Variants in SNX24 observed in about 807,000 individuals in gnomAD.
The protein encoded by SNX24 is sorting nexin 24.
In SNX24, 22 loss-of-function variants were observed where a neutral mutation model predicts 28.7. That is an observed-to-expected ratio of 0.77 (90% CI 0.55 to 1.10). SNX24 has a LOEUF of 1.10. Among genes scored for constraint, SNX24 ranks in the 50% least tolerant of loss-of-function variants. The probability of loss-of-function intolerance (pLI) is 0.00; values close to 1 mark genes in which losing one functional copy is unlikely to be tolerated. For synonymous variants in SNX24, 69 were observed against 71.5 expected (o/e 0.96, Z 0.18); for missense variants, 221 against 201.1 (o/e 1.10, Z -0.60).
intron 1 of SNX24, among the ~76,000 whole-genome samples, chr5:122,849,124 G>C (rs1374953030): frequency 6.6e-6 from 1 of 152,188 alleles, no homozygotes; most frequent in Non-Finnish European, 1.5e-5. Context: ...ACCTTAACTA[G>C]AAGTGGTATT....
At chr5:122,986,496 G>A in intron 3 of SNX24, among the ~76,000 whole-genome samples, 1 of 152,148 alleles carries the variant, frequency 6.6e-6, no homozygotes, top group East Asian at 1.9e-4. Flanking sequence ...AAAGAGAAGT[G>A]GGAGGGTGGT....
intron 1 of SNX24, among the ~76,000 whole-genome samples, chr5:122,935,471 A>G (rs893243745): frequency 6.6e-6 from 1 of 152,220 alleles, no homozygotes; most frequent in East Asian, 1.9e-4. Context: ...GAAAGTATTT[A>G]TTCAGGGGTA....
At chr5:122,999,695 A>G (rs1419182579) in intron 3 of SNX24, among the ~76,000 whole-genome samples, 2 of 152,186 alleles carry the variant, frequency 1.3e-5, no homozygotes, top group African/African-American at 4.8e-5. Flanking sequence ...CAGTTGAATG[A>G]AAGAACAGAT....
chr5:123,014,723 C>T (rs1762652113), intron 5 of SNX24, among the ~76,000 whole-genome samples: 1 of 152,096 alleles, frequency 6.6e-6, no homozygotes, highest in Admixed American at 6.5e-5. Context: ...TCAAAGTTTT[C>T]CAGTAGATTC....
intron 1 of SNX24, chr5:122,891,098 T>C (rs1263214101): frequency 1.4e-5 from 21 of 1,534,090 alleles, no homozygotes; most frequent in Non-Finnish European, 1.5e-5. Context: ...TGGAAATTGC[T>C]TTTTCAAATG....
At chr5:122,973,818 A>C (rs1296053495) in intron 3 of SNX24, among the ~76,000 whole-genome samples, 1 of 152,220 alleles carries the variant, frequency 6.6e-6, no homozygotes. Context: ...GAGAGTAGTT[A>C]TCTGCAGATG....
At chr5:123,011,223 C>G (rs1762571642), downstream of SNX24, among the ~76,000 whole-genome samples, 1 of 152,142 alleles carries the variant, frequency 6.6e-6, no homozygotes, top group African/African-American at 2.4e-5. Context: ...AAAAAAATCC[C>G]ATTACCACTT....
chr5:122,932,348 C>G (rs1758990666), intron 1 of SNX24, among the ~76,000 whole-genome samples: 2 of 152,250 alleles, frequency 1.3e-5, no homozygotes, highest in African/African-American at 2.4e-5. Context: ...ACTAAACAGG[C>G]AAGTCAGAGC....
intron 3 of SNX24, among the ~76,000 whole-genome samples, chr5:122,971,922 G>A (rs1453882810): frequency 1.3e-5 from 2 of 152,194 alleles, no homozygotes; most frequent in Non-Finnish European, 2.9e-5. Flanking sequence ...TTCCTGAAGG[G>A]TCTGGGCCAT....
chr5:123,014,445 G>T (rs377248057), intron 5 of SNX24, among the ~76,000 whole-genome samples: 1 of 142,522 alleles, frequency 7.0e-6, no homozygotes, highest in Admixed American at 7.4e-5. Context: ...GCCTCCCAAA[G>T]TGCTGGGATT....
chr5:122,892,070 A>C (rs1756997061), intron 1 of SNX24, among the ~76,000 whole-genome samples: 1 of 152,224 alleles, frequency 6.6e-6, no homozygotes, highest in Admixed American at 6.5e-5. Context: ...TGAGAAATTA[A>C]AATTTAAACC....
At chr5:122,856,914 G>A (rs537636839) in intron 1 of SNX24, among the ~76,000 whole-genome samples, 9 of 152,290 alleles carry the variant, frequency 5.9e-5, no homozygotes, top group South Asian at 2.1e-4. Context: ...CTTTGGGTCA[G>A]GGGTCTCCTC....
intron 2 of SNX24, 62 bp downstream of exon 2, chr5:122,936,879 C>T (rs1392700069): frequency 4.2e-6 from 4 of 952,334 alleles, no homozygotes; most frequent in Non-Finnish European, 5.0e-6. Context: ...TGTTAACTAA[C>T]ACTCCTTTCT....
intron 3 of SNX24, among the ~76,000 whole-genome samples, chr5:122,997,835 A>G (rs1203246288): frequency 1.3e-5 from 2 of 151,720 alleles, no homozygotes; most frequent in Non-Finnish European, 2.9e-5. Flanking sequence ...ACTTGTACAG[A>G]TAATTAAAAC....
intron 3 of SNX24, 64 bp downstream of exon 3, chr5:122,946,223 TCAGGAC>T: frequency 1.0e-6 from 1 of 955,420 alleles, no homozygotes; most frequent in Non-Finnish European, 1.6e-6. Context: ...CCACTTTTTC[TCAGGAC>T]ATGTGAGTGC....
At position 122,938,643 on chromosome 5, in the gene SNX24, T is replaced by A. The variant is rs139892522; in HGVS notation, c.144+1826T>A. ...GTATTCGATTTGGCAAAAAGGTAACTTTAAAAGGCAATGAAGGCCGGGCGC... is the reference window on the plus strand; with the variant it reads ...GTATTCGATTTGGCAAAAAGGTAACATTAAAAGGCAATGAAGGCCGGGCGC... On this transcript the variant is annotated intron_variant, in intron 2 of 6. Coordinates refer to ENST00000261369, the MANE Select transcript of SNX24 (RefSeq NM_014035.4). 5.3e-5 allele frequency among the ~76,000 whole-genome samples: 4 copies of A among 75,706 alleles called. No homozygotes were observed. In the East Asian group the frequency reaches 3.1e-3, roughly 58 times the overall value. The allele number at this position is 75,706 out of a possible 152,430, so 49.7% of individuals were successfully genotyped here.
rs143885255 is a variant in SNX24, at chr5:122,932,152, A to G, written c.61-4582A>G. On this transcript the variant is annotated intron_variant, in intron 1 of 6. Transcript: ENST00000261369. ...TGTTTTCCTTTTCAATTTGAATTCT[A>G]TTGACTTAATAATGTTTCTAGAACT... 2.3e-4 allele frequency among the ~76,000 whole-genome samples: 35 copies of G among 152,312 alleles called. 1 individual carries two copies. The highest frequency in any genetic ancestry group is 5.5e-4 in the African/African-American group (23 of 41,574).
chr5:122,873,112 A>AC (rs1259855330), intron 1 of SNX24, among the ~76,000 whole-genome samples: 1 of 152,058 alleles, frequency 6.6e-6, no homozygotes, highest in Non-Finnish European at 1.5e-5. Flanking sequence ...GACTAAAGGC[A>AC]CCACACCACC....
chr5:122,938,195 G>T (rs955899539), intron 2 of SNX24, among the ~76,000 whole-genome samples: 3 of 152,118 alleles, frequency 2.0e-5, no homozygotes, highest in Admixed American at 6.5e-5. Context: ...GAGGCTGCCC[G>T]TGCTTCTGGA....
Sources: allele counts gnomAD v4.1 joint callset (sites outside exome capture counted in the v4.1 genomes callset), GRCh38; gene constraint gnomAD v4.1.1; transcripts MANE v1.5; gene names NCBI Gene and HGNC (gene_info 2026-07-23, HGNC 2026-07-21).